ENPEP: variants seen among roughly 807,000 people sequenced by gnomAD.
ENPEP encodes the protein AP-A.
A neutral mutation model predicts 114.5 loss-of-function variants in ENPEP; 103 were observed. That is an observed-to-expected ratio of 0.90 (90% CI 0.77 to 1.06). The LOEUF is 1.06. ENPEP is among the 50% of genes least tolerant of loss of function. The probability of loss-of-function intolerance (pLI) is 0.00; values close to 1 mark genes in which losing one functional copy is unlikely to be tolerated. For synonymous variants in ENPEP, 420 were observed against 422.0 expected (o/e 1.00, Z 0.06); for missense variants, 1,196 against 1,161.3 (o/e 1.03, Z -0.43).
intron 3 of ENPEP, among the ~76,000 whole-genome samples, chr4:110,505,105 C>T (rs1015546284): frequency 6.6e-6 from 1 of 152,164 alleles, no homozygotes; most frequent in Non-Finnish European, 1.5e-5. Context: ...TATGACATGG[C>T]AATCCTGTAC....
chr4:110,501,681 C>A (rs1347733059), intron 3 of ENPEP, among the ~76,000 whole-genome samples: 1 of 152,200 alleles, frequency 6.6e-6, no homozygotes, highest in African/African-American at 2.4e-5. Flanking sequence ...ATCCAGTCTA[C>A]TGTTGATGAA....
At chr4:110,558,291 T>C (rs375207514) in intron 18 of ENPEP, among the ~76,000 whole-genome samples, 2 of 125,980 alleles carry the variant, frequency 1.6e-5, no homozygotes, top group Non-Finnish European at 3.5e-5. Context: ...TATATATATA[T>C]ATAAATTTTT....
chr4:110,513,266 C>A, intron 6 of ENPEP, 149 bp from the exon 7 acceptor site: 1 of 829,024 alleles, frequency 1.2e-6, no homozygotes, highest in Non-Finnish European at 1.8e-6. Flanking sequence ...TCAATCAGTG[C>A]AAAGTATGAT....
intron 6 of ENPEP, among the ~76,000 whole-genome samples, chr4:110,511,066 A>G (rs1396108348): frequency 6.6e-6 from 1 of 152,150 alleles, no homozygotes; most frequent in Admixed American, 6.5e-5. Context: ...TCATGGGAGT[A>G]TTCTTGATTG....
At chr4:110,508,776 C>A (rs796604910) in intron 4 of ENPEP, among the ~76,000 whole-genome samples, 68 of 152,152 alleles carry the variant, frequency 4.5e-4, no homozygotes, top group African/African-American at 1.6e-3. Flanking sequence ...GCACCACTGC[C>A]CTCCAGTTTG....
chr4:110,553,366 TAC>T lies in ENPEP; in HGVS notation c.2555_2556del (p.Thr852SerfsTer8). 1 of 1,611,378 alleles carries T rather than the reference TAC, an allele frequency of 6.2e-7. No individual in the cohort carries two copies. The highest frequency in any genetic ancestry group is 8.5e-7 in the Non-Finnish European group (1 of 1,178,208). ...ACCTTATTAAAACTCAGGATGTGTTTACAGTCATTCGATATATCTCATATAAC... is the reference window on the plus strand; with the variant it reads ...ACCTTATTAAAACTCAGGATGTGTTTAGTCATTCGATATATCTCATATAAC... Reference protein sequence around the residue: ...TNLIKTQDVFTVIRYISYNSY... With the variant: ...TNLIKTQDVFXVIRYISYNSY... On this transcript the variant is annotated frameshift_variant, in exon 18 of 20. Transcript: ENST00000265162. LOFTEE classifies it high-confidence loss of function.
At chr4:110,544,842 A>G (rs1019503177) in intron 13 of ENPEP, among the ~76,000 whole-genome samples, 4 of 152,270 alleles carry the variant, frequency 2.6e-5, no homozygotes, top group East Asian at 3.9e-4. Context: ...ACTTGCTCAC[A>G]TTTGCTCAGC....
chr4:110,538,029 C>T (rs925107350), intron 11 of ENPEP, among the ~76,000 whole-genome samples: 1 of 152,176 alleles, frequency 6.6e-6, no homozygotes, highest in Admixed American at 6.5e-5. Flanking sequence ...ATTTATAGAG[C>T]ACATGCAGAG....
At chr4:110,537,090 A>G (rs1407804938) in intron 11 of ENPEP, among the ~76,000 whole-genome samples, 7 of 152,190 alleles carry the variant, frequency 4.6e-5, no homozygotes, top group Admixed American at 4.6e-4. Flanking sequence ...AATCTTTTTT[A>G]CTGATAAAGG....
chr4:110,480,569 A>G (rs778249301), intron 1 of ENPEP, among the ~76,000 whole-genome samples: 1 of 152,210 alleles, frequency 6.6e-6, no homozygotes, highest in Non-Finnish European at 1.5e-5. Context: ...AGGATTGAGT[A>G]TTAGTAGTTA....
intron 3 of ENPEP, chr4:110,500,164 G>A (rs1217186888): frequency 1.3e-5 from 2 of 152,122 alleles, no homozygotes; most frequent in Non-Finnish European, 2.9e-5. Flanking sequence ...GGAAGTAATG[G>A]TAATCAACCA....
intron 1 of ENPEP, 47 bp from the exon 2 acceptor site, chr4:110,488,494 C>A: frequency 6.5e-7 from 1 of 1,539,020 alleles, no homozygotes; most frequent in South Asian, 1.2e-5. Flanking sequence ...TAGGGGTTGT[C>A]AGAAGAGGCA....
At chr4:110,502,419 C>A (rs1269284672) in intron 3 of ENPEP, among the ~76,000 whole-genome samples, 1 of 151,886 alleles carries the variant, frequency 6.6e-6, no homozygotes, top group Non-Finnish European at 1.5e-5. Context: ...AGGTTTTACA[C>A]TTTTTAACCT....
chr4:110,481,410 T>C (rs934453616), intron 1 of ENPEP, among the ~76,000 whole-genome samples: 1 of 152,130 alleles, frequency 6.6e-6, no homozygotes, highest in African/African-American at 2.4e-5. Flanking sequence ...ATGTCCTCTA[T>C]GTAGTTTCCC....
chr4:110,538,480 A>C (rs1726727654), intron 11 of ENPEP, among the ~76,000 whole-genome samples: 1 of 152,132 alleles, frequency 6.6e-6, no homozygotes, highest in Non-Finnish European at 1.5e-5. Flanking sequence ...CCTTCTCTGG[A>C]TTAGGCTTTG....
At chr4:110,555,446 A>G (rs1465294133) in intron 18 of ENPEP, among the ~76,000 whole-genome samples, 1 of 152,048 alleles carries the variant, frequency 6.6e-6, no homozygotes, top group Non-Finnish European at 1.5e-5. Flanking sequence ...GAAATAAATA[A>G]TCTTCTATTT....
chr4:110,497,410 T>C (rs140864399), intron 3 of ENPEP, among the ~76,000 whole-genome samples: 116 of 152,284 alleles, frequency 7.6e-4, no homozygotes, highest in African/African-American at 2.5e-3. Flanking sequence ...TTGCTAATGA[T>C]TCTTATTTTT....
intron 3 of ENPEP, among the ~76,000 whole-genome samples, chr4:110,501,817 C>A (rs562470800): frequency 6.6e-6 from 1 of 152,272 alleles, no homozygotes; most frequent in Admixed American, 6.5e-5. Flanking sequence ...AATAAGATGG[C>A]TGGATCATTT....
intron 10 of ENPEP, among the ~76,000 whole-genome samples, chr4:110,529,767 C>CA (rs1403988159): frequency 6.6e-6 from 1 of 152,066 alleles, no homozygotes; most frequent in African/African-American, 2.4e-5. Context: ...CACTGGTATC[C>CA]AAGGTGTACA....
Sources: allele counts gnomAD v4.1 joint callset (sites outside exome capture counted in the v4.1 genomes callset), GRCh38; gene constraint gnomAD v4.1.1; transcripts MANE v1.5; gene names NCBI Gene and HGNC (gene_info 2026-07-23, HGNC 2026-07-21).